The following SNX9 variants were observed in gnomAD, a reference collection of about 807,000 sequenced individuals.
The protein encoded by SNX9 is sorting nexin-9.
A neutral mutation model predicts 89.4 loss-of-function variants in SNX9; 44 were observed. The observed-to-expected ratio is 0.49, with a 90% confidence interval of 0.39 to 0.63. The LOEUF (loss-of-function observed/expected upper bound fraction) is 0.63, where lower values mean the gene tolerates loss of function less well. Ranked by LOEUF, SNX9 falls within the 30% of genes least tolerant of loss-of-function variation. The pLI is 0.00. For synonymous variants in SNX9, 236 were observed against 247.8 expected (o/e 0.95, Z 0.45); for missense variants, 578 against 736.1 (o/e 0.79, Z 2.49).
intron 4 of SNX9, among the ~76,000 whole-genome samples, chr6:157,887,789 A>G (rs971859216): frequency 6.6e-6 from 1 of 152,182 alleles, no homozygotes; most frequent in Non-Finnish European, 1.5e-5. Flanking sequence ...TCAGGTGAGA[A>G]TAATACCACC....
At chr6:157,843,443 T>A (rs1781742122) in intron 1 of SNX9, among the ~76,000 whole-genome samples, 1 of 152,206 alleles carries the variant, frequency 6.6e-6, no homozygotes, top group Admixed American at 6.5e-5. Context: ...AAGAAAATGT[T>A]ATTGAGAAAA....
chr6:157,837,525 A>C (rs192662007), intron 1 of SNX9, among the ~76,000 whole-genome samples: 3 of 152,332 alleles, frequency 2.0e-5, no homozygotes, highest in Non-Finnish European at 4.4e-5. Context: ...TTGTGTGGTA[A>C]GTACCCATAC....
At chr6:157,909,616 A>G in intron 7 of SNX9, 49 bp from the exon 8 acceptor site, 3 of 1,605,968 alleles carry the variant, frequency 1.9e-6, no homozygotes, top group Non-Finnish European at 2.6e-6. Flanking sequence ...AATTGTATTT[A>G]TTATTTTTCC....
chr6:157,915,640 A>AATATATATATAT (rs1411739606), intron 9 of SNX9, among the ~76,000 whole-genome samples: 7 of 95,142 alleles, frequency 7.4e-5, no homozygotes, highest in African/African-American at 2.8e-4. Flanking sequence ...AAAAAAAAAA[A>AATATATATATAT]ATATATATAT....
In SNX9 at chr6:157,942,948, A is replaced by G. The variant is rs1378554417; in HGVS notation, c.*110A>G. On this transcript the variant is annotated 3_prime_UTR_variant, in exon 18 of 18. Coordinates refer to ENST00000392185, the MANE Select transcript of SNX9 (RefSeq NM_016224.5). ...CAGAAAAAAAAGGAAACAAAACCAAAAAGAAAGAGTTGCAAAAAACTGCAT... is the reference window on the plus strand; with the variant it reads ...CAGAAAAAAAAGGAAACAAAACCAAGAAGAAAGAGTTGCAAAAAACTGCAT... 8.2e-7 allele frequency: 1 copy of G among 1,226,054 alleles called. No individual in the cohort carries two copies. The highest frequency in any genetic ancestry group is 1.5e-5 in the African/African-American group (1 of 65,008). 75.9% of individuals were successfully genotyped at this position (1,226,054 alleles called of 1,614,324 possible). A position where few individuals can be genotyped will look rare whatever the true frequency, so the allele number is the denominator to read the frequency against.
intron 5 of SNX9, among the ~76,000 whole-genome samples, chr6:157,898,901 G>A (rs985322585): frequency 2.6e-5 from 4 of 152,294 alleles, no homozygotes; most frequent in Admixed American, 6.5e-5. Flanking sequence ...GGGTAGAAGC[G>A]TTGGGAGACT....
At chr6:157,832,124 A>C (rs1344918636) in intron 1 of SNX9, among the ~76,000 whole-genome samples, 1 of 152,258 alleles carries the variant, frequency 6.6e-6, no homozygotes, top group Non-Finnish European at 1.5e-5. Flanking sequence ...GATGCTATTC[A>C]GTCTGACTGA....
chr6:157,884,614 C>A (rs1014410783), intron 4 of SNX9, among the ~76,000 whole-genome samples: 1 of 151,850 alleles, frequency 6.6e-6, no homozygotes, highest in Non-Finnish European at 1.5e-5. Context: ...CGTATGAATT[C>A]TTTTTAGTTG....
chr6:157,917,360 G>A (rs1783493709), intron 9 of SNX9, among the ~76,000 whole-genome samples: 1 of 150,764 alleles, frequency 6.6e-6, no homozygotes, highest in African/African-American at 2.4e-5. Flanking sequence ...TCTTTTTCTA[G>A]TTTCTTAAAT....
At chr6:157,896,531 GAGAA>G (rs1315222498) in intron 4 of SNX9, among the ~76,000 whole-genome samples, 11 of 152,184 alleles carry the variant, frequency 7.2e-5, no homozygotes, top group East Asian at 3.9e-4. Context: ...TACTTCTGGA[GAGAA>G]AGAAAGAGAG....
chr6:157,840,928 T>C (rs1781691195), intron 1 of SNX9, among the ~76,000 whole-genome samples: 2 of 152,200 alleles, frequency 1.3e-5, no homozygotes, highest in African/African-American at 4.8e-5. Context: ...GGTGGCCACA[T>C]AGACATAAGC....
At chr6:157,884,721 G>T (rs1228715264) in intron 4 of SNX9, among the ~76,000 whole-genome samples, 1 of 152,154 alleles carries the variant, frequency 6.6e-6, no homozygotes, top group Non-Finnish European at 1.5e-5. Flanking sequence ...CTAACCTTGT[G>T]TGCTTTTTCA....
chr6:157,916,295 A>G (rs987087053), intron 9 of SNX9, among the ~76,000 whole-genome samples: 2 of 152,052 alleles, frequency 1.3e-5, no homozygotes, highest in African/African-American at 4.8e-5. Context: ...CGGCCTCCCA[A>G]AGTGCTGGGA....
intron 1 of SNX9, among the ~76,000 whole-genome samples, chr6:157,831,053 A>G (rs1004308896): frequency 7.2e-5 from 11 of 152,206 alleles, no homozygotes; most frequent in Admixed American, 5.9e-4. Flanking sequence ...AAATCTGCTT[A>G]TCATTCATTA....
intron 4 of SNX9, among the ~76,000 whole-genome samples, chr6:157,879,237 A>T (rs1782579328): frequency 6.6e-6 from 1 of 152,244 alleles, no homozygotes; most frequent in Non-Finnish European, 1.5e-5. Flanking sequence ...AACAGCAGAA[A>T]ACCGGAATGT....
chr6:157,853,617 A>G (rs1221354225), intron 1 of SNX9, among the ~76,000 whole-genome samples: 1 of 152,190 alleles, frequency 6.6e-6, no homozygotes, highest in Non-Finnish European at 1.5e-5. Context: ...GGGTAGGGGA[A>G]TGTCTGGTTC....
intron 6 of SNX9, 104 bp downstream of exon 6, chr6:157,902,149 G>C (rs1471876371): frequency 9.8e-7 from 1 of 1,019,390 alleles, no homozygotes; most frequent in African/African-American, 1.7e-5. Flanking sequence ...CCTTTCCAGT[G>C]ATCTCCTAAG....
At chr6:157,882,331 A>G (rs973914684) in intron 4 of SNX9, among the ~76,000 whole-genome samples, 2 of 152,232 alleles carry the variant, frequency 1.3e-5, no homozygotes, top group Non-Finnish European at 2.9e-5. Flanking sequence ...CTGCTCATTG[A>G]CAATGCCCCT....
chr6:157,899,211 T>A (rs143232627), intron 5 of SNX9, among the ~76,000 whole-genome samples: 224 of 152,308 alleles, frequency 1.5e-3, no homozygotes, highest in African/African-American at 5.2e-3. Context: ...TTCTTCACTC[T>A]CATCTTTTTC....
Sources: gnomAD v4.1 joint callset for allele counts (sites outside exome capture counted in the v4.1 genomes callset) on GRCh38, gnomAD v4.1.1 for gene constraint, MANE v1.5 for transcripts, NCBI Gene and HGNC (gene_info 2026-07-23, HGNC 2026-07-21) for gene names.